The following DIAPH2 variants were observed in gnomAD, a reference collection of about 807,000 sequenced individuals.
The protein encoded by DIAPH2 is diaphanous related formin 2, also known as protein diaphanous homolog 2.
In DIAPH2, 35 loss-of-function variants were observed where a neutral mutation model predicts 92.7. That is an observed-to-expected ratio of 0.38 (90% confidence interval 0.29 to 0.50). DIAPH2 has a LOEUF of 0.50. Among genes scored for constraint, DIAPH2 ranks in the 20% least tolerant of loss-of-function variants. The pLI, the probability that DIAPH2 is intolerant of heterozygous loss-of-function variation, is 0.94. For synonymous variants in DIAPH2, 301 were observed against 280.4 expected (o/e 1.07, Z -0.73); for missense variants, 701 against 819.5 (o/e 0.86, Z 1.77).
chrX:96,787,866 T>G (rs757230823), intron 4 of DIAPH2, among the ~76,000 whole-genome samples: 9 of 71,366 alleles, frequency 1.3e-4, no homozygotes, highest in Non-Finnish European at 2.6e-4. Context: ...AATTTTTTTC[T>G]TTTTTTTTTT....
chrX:97,416,275 A>C (rs2069945289), intron 25 of DIAPH2, among the ~76,000 whole-genome samples: 1 of 112,060 alleles, frequency 8.9e-6, no homozygotes, highest in Non-Finnish European at 1.9e-5. Context: ...GTTTTTCTGA[A>C]GCTTGTGACA....
At chrX:96,703,770 C>T (rs1602438505) in intron 1 of DIAPH2, among the ~76,000 whole-genome samples, 1 of 111,395 alleles carries the variant, frequency 9.0e-6, no homozygotes, top group African/African-American at 3.3e-5. Context: ...ATTTTTTTTC[C>T]GTTTGCATAT....
At chrX:97,361,523 T>C (rs1036087008) in intron 24 of DIAPH2, among the ~76,000 whole-genome samples, 1 of 112,412 alleles carries the variant, frequency 8.9e-6, no homozygotes, top group Non-Finnish European at 1.9e-5. Flanking sequence ...TTTAGCTGCC[T>C]AGTGACATAA....
chrX:97,422,265 A>T (rs1253186540), intron 25 of DIAPH2, among the ~76,000 whole-genome samples: 1 of 110,844 alleles, frequency 9.0e-6, no homozygotes, highest in African/African-American at 3.3e-5. Context: ...AGATTTTATT[A>T]TCTGTGAACC....
intron 1 of DIAPH2, among the ~76,000 whole-genome samples, chrX:96,697,892 C>A (rs2063834072): frequency 1.8e-5 from 2 of 109,680 alleles, no homozygotes; most frequent in African/African-American, 3.3e-5. Context: ...AAAAAAAATT[C>A]TTTGAATCAC....
intron 26 of DIAPH2, chrX:97,469,788 A>G (rs772608896): frequency 2.5e-6 from 3 of 1,184,649 alleles, no homozygotes; most frequent in African/African-American, 3.5e-5. Flanking sequence ...ATGGTACAAC[A>G]TGACTTTTTA....
intron 4 of DIAPH2, among the ~76,000 whole-genome samples, chrX:96,874,182 A>C (rs1444896735): frequency 1.8e-5 from 2 of 111,855 alleles, no homozygotes; most frequent in African/African-American, 6.5e-5. Context: ...GTTACTGAAA[A>C]TATGTTTTCC....
At chrX:97,090,226 C>A (rs1470750927) in intron 19 of DIAPH2, among the ~76,000 whole-genome samples, 4 of 109,708 alleles carry the variant, frequency 3.6e-5, no homozygotes, top group African/African-American at 1.3e-4. Context: ...TTGACTAGCT[C>A]CCCTCAGTTC....
At chrX:97,357,924 A>G (rs1337705622) in intron 24 of DIAPH2, among the ~76,000 whole-genome samples, 2 of 111,864 alleles carry the variant, frequency 1.8e-5, no homozygotes, top group East Asian at 5.6e-4. Flanking sequence ...TTGTTTTGCT[A>G]CTATATGGCC....
intron 26 of DIAPH2, among the ~76,000 whole-genome samples, chrX:97,595,758 G>A (rs2071547118): frequency 9.0e-6 from 1 of 110,559 alleles, no homozygotes; most frequent in Non-Finnish European, 1.9e-5. Flanking sequence ...TCAGCCTCCC[G>A]AGTAGCTGGG....
At chrX:96,821,098 C>G (rs775037072) in intron 4 of DIAPH2, among the ~76,000 whole-genome samples, 9 of 111,581 alleles carry the variant, frequency 8.1e-5, no homozygotes, top group African/African-American at 2.9e-4. Context: ...GAATCGATCA[C>G]AGAGTGAGGG....
intron 21 of DIAPH2, among the ~76,000 whole-genome samples, chrX:97,137,076 C>T (rs1168653888): frequency 1.9e-5 from 2 of 107,542 alleles, no homozygotes; most frequent in Non-Finnish European, 3.8e-5. Flanking sequence ...ATGTACTTCT[C>T]CATTCATATT....
intron 5 of DIAPH2, chrX:96,884,197 C>G (rs1383551367): frequency 3.5e-6 from 2 of 578,625 alleles, no homozygotes; most frequent in East Asian, 7.1e-5. Context: ...GCCTTTCGGA[C>G]AGCTCGAAGC....
chrX:97,177,118 T>C (rs2067498705), intron 22 of DIAPH2, among the ~76,000 whole-genome samples: 1 of 111,328 alleles, frequency 9.0e-6, no homozygotes, highest in African/African-American at 3.3e-5. Context: ...AATTTATAGA[T>C]GTAGAACCCA....
At chrX:97,269,751 ATTTTTTT>A (rs1318136033) in intron 23 of DIAPH2, among the ~76,000 whole-genome samples, 2 of 94,766 alleles carry the variant, frequency 2.1e-5, no homozygotes, top group Admixed American at 1.1e-4. Flanking sequence ...TACTATTTTT[ATTTTTTT>A]TTTTTTTTTT....
intron 22 of DIAPH2, among the ~76,000 whole-genome samples, chrX:97,187,109 C>T (rs1342443526): frequency 9.1e-6 from 1 of 109,628 alleles, no homozygotes; most frequent in African/African-American, 3.3e-5. Context: ...CATACAGAGT[C>T]AATAGTATAG....
chrX:97,602,832 A>G lies in DIAPH2; in HGVS notation c.*3515A>G, dbSNP rs1345475484. 2.7e-5 allele frequency: 3 copies of G among 112,040 alleles called. No individual in the cohort carries two copies. The highest frequency in any genetic ancestry group is 5.6e-5 in the Non-Finnish European group (3 of 53,198). The allele number at this position is 112,040 out of a possible 1,213,427, so 9.2% of individuals were successfully genotyped here. On this transcript the variant is annotated 3_prime_UTR_variant, in exon 27 of 27. Transcript: ENST00000324765. ...CTACCTGTAGAATTCTGGCAGTCTC[A>G]CAATCTTCTTTCATTTTTTTCTGTC...
chrX:97,559,046 G>A (rs181944625), intron 26 of DIAPH2, among the ~76,000 whole-genome samples: 15 of 112,060 alleles, frequency 1.3e-4, no homozygotes, highest in African/African-American at 3.9e-4. Flanking sequence ...TTATCAGGGC[G>A]TAACCCCATT....
chrX:97,163,619 A>G (rs1415922436), intron 22 of DIAPH2, among the ~76,000 whole-genome samples: 1 of 112,056 alleles, frequency 8.9e-6, no homozygotes, highest in African/African-American at 3.2e-5. Context: ...TTCTAGACTT[A>G]GTTTTCCAGA....
Sources: gnomAD v4.1 joint callset for allele counts (sites outside exome capture counted in the v4.1 genomes callset) on GRCh38, gnomAD v4.1.1 for gene constraint, MANE v1.5 for transcripts, NCBI Gene and HGNC (gene_info 2026-07-23, HGNC 2026-07-21) for gene names.